CSMD1: variants seen among roughly 807,000 people sequenced by gnomAD.
The protein encoded by CSMD1 is CUB and Sushi multiple domains 1.
CSMD1 carries 213 observed loss-of-function variants against 417.5 expected under a neutral mutation model. That is an observed-to-expected ratio of 0.51 (90% confidence interval 0.46 to 0.57). The LOEUF (loss-of-function observed/expected upper bound fraction) is 0.57. Ranked by LOEUF, CSMD1 falls within the 20% of genes least tolerant of loss-of-function variation. The pLI, the probability that CSMD1 is intolerant of heterozygous loss-of-function variation, is 0.00. For synonymous variants in CSMD1, 2,862 were observed against 1,736.8 expected, an observed-to-expected ratio of 1.65 and a Z score of -16.11; for missense variants, 6,923 against 4,529.7, an observed-to-expected ratio of 1.53 and a Z score of -15.17.
chr8:4,881,385 T>C (rs1020622095), intron 1 of CSMD1, among the ~76,000 whole-genome samples: 5 of 151,974 alleles, frequency 3.3e-5, no homozygotes, highest in African/African-American at 9.7e-5. Context: ...TAAATGGATA[T>C]AGTTGAACAA....
intron 1 of CSMD1, among the ~76,000 whole-genome samples, chr8:4,868,732 A>G (rs1400250977): frequency 6.6e-6 from 1 of 151,988 alleles, no homozygotes; most frequent in African/African-American, 2.4e-5. Flanking sequence ...AGTTAGAACT[A>G]GATTTGACAC....
chr8:4,034,518 TAA>T (rs1295994102), intron 3 of CSMD1, among the ~76,000 whole-genome samples: 1 of 152,186 alleles, frequency 6.6e-6, no homozygotes, highest in Non-Finnish European at 1.5e-5. Flanking sequence ...TATAGTACAT[TAA>T]AAGTGACATT....
intron 8 of CSMD1, among the ~76,000 whole-genome samples, chr8:3,603,354 G>T (rs1395444941): frequency 1.3e-5 from 2 of 151,996 alleles, no homozygotes; most frequent in African/African-American, 2.4e-5. Flanking sequence ...AAACACTTTG[G>T]ACAATGGCAG....
At chr8:3,499,614 AG>A (rs1238802623) in intron 10 of CSMD1, among the ~76,000 whole-genome samples, 1 of 151,964 alleles carries the variant, frequency 6.6e-6, no homozygotes, top group African/African-American at 2.4e-5. Context: ...TTCAGCTCTC[AG>A]GGTCTTGGGA....
intron 25 of CSMD1, among the ~76,000 whole-genome samples, chr8:3,287,084 C>T (rs1803217155): frequency 6.6e-6 from 1 of 152,034 alleles, no homozygotes; most frequent in Admixed American, 6.6e-5. Flanking sequence ...ATAGGGAATG[C>T]TTTCCCCATT....
At chr8:3,839,420 A>T (rs1345906044) in intron 5 of CSMD1, among the ~76,000 whole-genome samples, 1 of 120,350 alleles carries the variant, frequency 8.3e-6, no homozygotes, top group East Asian at 2.1e-4. Flanking sequence ...AAAAATAAAT[A>T]TATATAATAA....
intron 3 of CSMD1, among the ~76,000 whole-genome samples, chr8:4,208,416 A>T (rs1368393351): frequency 6.6e-6 from 1 of 152,210 alleles, no homozygotes; most frequent in East Asian, 1.9e-4. Context: ...CCATGTTATG[A>T]AAACTCTATT....
intron 5 of CSMD1, among the ~76,000 whole-genome samples, chr8:3,805,035 A>G (rs1043642273): frequency 3.3e-5 from 5 of 152,266 alleles, no homozygotes; most frequent in African/African-American, 9.6e-5. Flanking sequence ...GGTCATATTC[A>G]CACTGGAATA....
intron 3 of CSMD1, among the ~76,000 whole-genome samples, chr8:4,285,930 T>C (rs1195609077): frequency 6.6e-6 from 1 of 152,170 alleles, no homozygotes; most frequent in Non-Finnish European, 1.5e-5. Flanking sequence ...ACAAACCTTT[T>C]AAGTGGCTAT....
intron 26 of CSMD1, chr8:3,278,506 C>G (rs574768092): frequency 1.3e-5 from 2 of 152,124 alleles, no homozygotes; most frequent in African/African-American, 4.8e-5. Flanking sequence ...AATGGCCACA[C>G]TTAAAACATC....
intron 3 of CSMD1, among the ~76,000 whole-genome samples, chr8:4,153,227 G>C (rs1402471430): frequency 6.6e-6 from 1 of 152,188 alleles, no homozygotes; most frequent in Non-Finnish European, 1.5e-5. Context: ...CACCCAAGGG[G>C]AGCTGGAGAG....
intron 1 of CSMD1, among the ~76,000 whole-genome samples, chr8:4,666,926 C>A (rs183733821): frequency 5.3e-5 from 8 of 152,078 alleles, no homozygotes; most frequent in East Asian, 1.9e-4. Flanking sequence ...AAAAAAAGTT[C>A]TTTGCCTCAA....
intron 3 of CSMD1, among the ~76,000 whole-genome samples, chr8:4,047,562 T>A (rs192626787): frequency 6.6e-6 from 1 of 152,156 alleles, no homozygotes; most frequent in African/African-American, 2.4e-5. Context: ...ATTTATAGAA[T>A]GCAAATTATG....
At chr8:4,814,461 G>A (rs1478284634) in intron 1 of CSMD1, among the ~76,000 whole-genome samples, 2 of 152,168 alleles carry the variant, frequency 1.3e-5, no homozygotes, top group Non-Finnish European at 2.9e-5. Flanking sequence ...TGGCCAAGGT[G>A]ATCTCGAACT....
intron 1 of CSMD1, among the ~76,000 whole-genome samples, chr8:4,772,084 G>T (rs953035642): frequency 1.3e-5 from 2 of 152,180 alleles, no homozygotes; most frequent in African/African-American, 2.4e-5. Flanking sequence ...ATTTCTTCCT[G>T]CAGGCTTGAC....
intron 5 of CSMD1, among the ~76,000 whole-genome samples, chr8:3,881,450 G>C (rs1487153133): frequency 6.6e-6 from 1 of 151,340 alleles, no homozygotes; most frequent in Non-Finnish European, 1.5e-5. Context: ...GCCTGGTCAA[G>C]ATGGTGAAAC....
chr8:4,750,046 G>T lies in CSMD1; in HGVS notation c.86-112488C>A, dbSNP rs189776637. The stretch of plus-strand genomic sequence containing the variant: ...TTTTGAGATGGAGTCTCGCTCTGTC[G>T]CCCAGGCTGGAGTGCAGTGGGCGAT... On this transcript the variant is annotated intron_variant, in intron 1 of 69. Coordinates refer to ENST00000635120, the MANE Select transcript of CSMD1 (RefSeq NM_033225.6). Among the ~76,000 whole-genome samples, 226 of 150,828 alleles carry T rather than the reference G, an allele frequency of 1.5e-3. 1 individual carries two copies. The highest frequency in any genetic ancestry group is 6.8e-3 in the Middle Eastern group (2 of 292).
At chr8:4,877,403 C>G (rs544816061) in intron 1 of CSMD1, among the ~76,000 whole-genome samples, 1 of 151,684 alleles carries the variant, frequency 6.6e-6, no homozygotes, top group Non-Finnish European at 1.5e-5. Context: ...AGTAATAATT[C>G]CATTGTAAAG....
rs1239673507 is a variant in CSMD1, at chr8:4,418,131, GT to G, written c.415+1821del. Among the ~76,000 whole-genome samples, 10 of 151,316 alleles carry G rather than the reference GT, an allele frequency of 6.6e-5. No homozygotes were observed. In the Admixed American group the frequency reaches 6.6e-4, roughly 10 times the overall value. On this transcript the variant is annotated intron_variant, in intron 3 of 69. Transcript: ENST00000635120. Reference sequence around the variant, plus strand: ...AGCCAACAAAGCACCTTTTTGACAGGTTTTTTTCTTTTAAATAGAGGTTTGT... The same window carrying G: ...AGCCAACAAAGCACCTTTTTGACAGGTTTTTTCTTTTAAATAGAGGTTTGT...
Sources: allele counts gnomAD v4.1 joint callset (sites outside exome capture counted in the v4.1 genomes callset), GRCh38; gene constraint gnomAD v4.1.1; transcripts MANE v1.5; gene names NCBI Gene and HGNC (gene_info 2026-07-23, HGNC 2026-07-21).